Variants in KDM4B observed in about 807,000 individuals in gnomAD.
The protein encoded by KDM4B is lysine demethylase 4B, also known as lysine-specific demethylase 4B.
A neutral mutation model predicts 125.2 loss-of-function variants in KDM4B; 32 were observed. That is an observed-to-expected ratio of 0.26 (90% CI 0.19 to 0.34). KDM4B has a LOEUF of 0.34. KDM4B is among the 10% of genes least tolerant of loss of function. The probability of loss-of-function intolerance (pLI) is 1.00; values close to 1 mark genes in which losing one functional copy is unlikely to be tolerated. For missense variants in KDM4B, 1,190 were observed against 1,577.7 expected, an observed-to-expected ratio of 0.75 and a Z score of 4.16; for synonymous variants, 721 against 677.9, an observed-to-expected ratio of 1.06 and a Z score of -0.99.
chr19:5,118,860 A>AT (rs2039305645), intron 10 of KDM4B, among the ~76,000 whole-genome samples: 1 of 152,180 alleles, frequency 6.6e-6, no homozygotes, highest in African/African-American at 2.4e-5. Context: ...CAGGTTGGGC[A>AT]TGCAGGATGC....
chr19:5,088,742 A>G (rs573631741), intron 9 of KDM4B, among the ~76,000 whole-genome samples: 112 of 147,602 alleles, frequency 7.6e-4, no homozygotes, highest in African/African-American at 2.7e-3. Context: ...CTCAAGAGGC[A>G]GAGGAGCAGG....
chr19:5,069,899 G>T (rs1391844788), intron 6 of KDM4B, among the ~76,000 whole-genome samples: 1 of 152,190 alleles, frequency 6.6e-6, no homozygotes, highest in African/African-American at 2.4e-5. Context: ...GAGCCACCGC[G>T]CCTGGCTTCT....
intron 1 of KDM4B, among the ~76,000 whole-genome samples, chr19:4,977,350 G>A (rs1227353916): frequency 6.6e-6 from 1 of 152,226 alleles, no homozygotes; most frequent in Non-Finnish European, 1.5e-5. Flanking sequence ...GGTGCACAGT[G>A]ACAGTCACTC....
At chr19:5,048,467 C>T (rs1243903487) in intron 6 of KDM4B, among the ~76,000 whole-genome samples, 2 of 152,212 alleles carry the variant, frequency 1.3e-5, no homozygotes, top group Non-Finnish European at 1.5e-5. Context: ...CGCTCCCGCC[C>T]TTCCCGGGGC....
At chr19:5,040,999 C>A (rs1224696557) in intron 4 of KDM4B, 138 bp from the exon 5 acceptor site, 9 of 556,930 alleles carry the variant, frequency 1.6e-5, no homozygotes, top group African/African-American at 1.5e-4. Flanking sequence ...TGCGTGGTAC[C>A]CTAGGCGGGG....
At chr19:5,049,935 A>AGT (rs1427161269) in intron 6 of KDM4B, among the ~76,000 whole-genome samples, 5 of 151,958 alleles carry the variant, frequency 3.3e-5, no homozygotes, top group Non-Finnish European at 5.9e-5. Context: ...AACTGGAAAG[A>AGT]GTGTCTGGCC....
intron 2 of KDM4B, among the ~76,000 whole-genome samples, chr19:5,026,103 C>T (rs1402377743): frequency 1.3e-5 from 2 of 151,506 alleles, no homozygotes; most frequent in South Asian, 4.2e-4. Context: ...ATGTCTTGAG[C>T]CCCGAATAAA....
rs1412039800 is a variant in KDM4B at position 5,153,497 on chromosome 19, C to T, written c.*1986C>T. ...GCAAAGACGCGGCAAAACCCAGTGC[C>T]CTGGTTTTTCCCCACCCGAGATGAA... is the stretch of plus-strand genomic sequence containing the variant. On this transcript the variant is annotated 3_prime_UTR_variant, in exon 23 of 23. Coordinates refer to ENST00000159111, the MANE Select transcript of KDM4B (RefSeq NM_015015.3). 1 of 152,214 alleles carries T rather than the reference C, an allele frequency of 6.6e-6. No homozygotes were observed. The highest frequency in any genetic ancestry group is 1.5e-5 in the Non-Finnish European group (1 of 68,042). 9.4% of individuals were successfully genotyped at this position (152,214 alleles called of 1,614,324 possible).
intron 9 of KDM4B, among the ~76,000 whole-genome samples, chr19:5,101,629 C>A (rs59926464): frequency 1.4e-5 from 2 of 138,598 alleles, no homozygotes; most frequent in Non-Finnish European, 3.1e-5. Context: ...GGGCCTCACT[C>A]GGTGCTTTAC....
At chr19:5,134,278 A>C in intron 14 of KDM4B, among the ~76,000 whole-genome samples, 1 of 152,126 alleles carries the variant, frequency 6.6e-6, no homozygotes, top group East Asian at 1.9e-4. Flanking sequence ...GTGCAACATG[A>C]GCCATGGTGG....
intron 1 of KDM4B, among the ~76,000 whole-genome samples, chr19:4,995,782 A>G (rs182708357): frequency 1.9e-4 from 29 of 152,208 alleles, no homozygotes; most frequent in Non-Finnish European, 1.2e-4. Context: ...GTTTTTATAA[A>G]AGGGATATGT....
chr19:5,106,314 T>A (rs1465319549), intron 9 of KDM4B, among the ~76,000 whole-genome samples: 2 of 152,186 alleles, frequency 1.3e-5, no homozygotes, highest in African/African-American at 4.8e-5. Context: ...GCAAAGGACA[T>A]CTTTGAATTC....
At chr19:5,144,927 G>A (rs767225471) in intron 21 of KDM4B, 25 bp downstream of exon 21, 27 of 1,612,294 alleles carry the variant, frequency 1.7e-5, no homozygotes, top group Middle Eastern at 1.6e-4. Flanking sequence ...TGGCAGCCGC[G>A]CCATGCCTTC....
chr19:5,111,139 C>T (rs1599208070), intron 10 of KDM4B, among the ~76,000 whole-genome samples: 1 of 152,162 alleles, frequency 6.6e-6, no homozygotes, highest in East Asian at 1.9e-4. Context: ...CCTGGGTGGC[C>T]CCAGGCCCCG....
intron 2 of KDM4B, among the ~76,000 whole-genome samples, chr19:5,017,487 A>C (rs1344387366): frequency 6.6e-6 from 1 of 152,144 alleles, no homozygotes; most frequent in Non-Finnish European, 1.5e-5. Context: ...GCCTGTGCAG[A>C]AAACCATGCG....
At chr19:4,972,815 G>A (rs1004355661) in intron 1 of KDM4B, among the ~76,000 whole-genome samples, 1 of 152,244 alleles carries the variant, frequency 6.6e-6, no homozygotes, top group Admixed American at 6.5e-5. Flanking sequence ...CTCCGTGACT[G>A]TCCTTCTGCC....
At chr19:5,075,343 C>G (rs146898832) in intron 7 of KDM4B, 10 of 152,418 alleles carry the variant, frequency 6.6e-5, no homozygotes, top group African/African-American at 2.4e-4. Flanking sequence ...CACTGAGGGG[C>G]GTGGGCCTCA....
chr19:5,129,965 G>A (rs2039514075), intron 11 of KDM4B, among the ~76,000 whole-genome samples: 2 of 152,332 alleles, frequency 1.3e-5, no homozygotes, highest in East Asian at 1.9e-4. Flanking sequence ...GACACAGAGC[G>A]CCGCTGGGCT....
intron 18 of KDM4B, 82 bp from the exon 19 acceptor site, chr19:5,143,885 T>A (rs1033646011): frequency 7.7e-5 from 88 of 1,148,110 alleles, no homozygotes; most frequent in Non-Finnish European, 1.0e-4. Flanking sequence ...TTGAAGGCTG[T>A]GCCGGGAGGG....
Sources: gnomAD v4.1 joint callset for allele counts (sites outside exome capture counted in the v4.1 genomes callset) on GRCh38, gnomAD v4.1.1 for gene constraint, MANE v1.5 for transcripts, NCBI Gene and HGNC (gene_info 2026-07-23, HGNC 2026-07-21) for gene names.